DSCAML1: variants seen among roughly 807,000 people sequenced by gnomAD.
DSCAML1 encodes the protein cell adhesion molecule DSCAML1.
DSCAML1 carries 38 observed loss-of-function variants against 200.5 expected under a neutral mutation model. That is an observed-to-expected ratio of 0.19 (90% CI 0.15 to 0.25). DSCAML1 has a LOEUF of 0.25. Among genes scored for constraint, DSCAML1 ranks in the 10% least tolerant of loss-of-function variants. The pLI, the probability that DSCAML1 is intolerant of heterozygous loss-of-function variation, is 1.00. For synonymous variants in DSCAML1, 1,215 were observed against 1,165.0 expected (o/e 1.04, Z -0.87); for missense variants, 2,223 against 2,858.8 (o/e 0.78, Z 5.07).
chr11:117,729,470 G>T (rs1179320761), intron 3 of DSCAML1, among the ~76,000 whole-genome samples: 1 of 152,030 alleles, frequency 6.6e-6, no homozygotes, highest in Non-Finnish European at 1.5e-5. Flanking sequence ...AAGTGCAAAA[G>T]ACACCATCAA....
chr11:117,471,996 G>A lies in DSCAML1; in HGVS notation c.2826C>T (p.Pro942=). The A allele has an allele frequency of 1.2e-6, 2 of 1,614,112 alleles. No homozygotes were observed. The highest frequency in any genetic ancestry group is 2.2e-5 in the East Asian group (1 of 44,888). The change falls in exon 15 of 33, where the codon CCC becomes CCT. Residue 942 remains proline (P), a synonymous_variant. Transcript: ENST00000651296. ...CCACAATGTTGGCCTGGTTGATGGT[G>A]GGGGAGATGTTGCGTGTGGACTGCT... ...DFKQSTRNIS[P]TINQANIVDL...
chr11:117,457,197 C>T (rs755080440), intron 19 of DSCAML1, among the ~76,000 whole-genome samples: 3 of 152,194 alleles, frequency 2.0e-5, no homozygotes, highest in Non-Finnish European at 2.9e-5. Context: ...GCTGCGGCGC[C>T]GCCTCCCGAA....
chr11:117,513,208 G>A (rs1328873306), intron 8 of DSCAML1, among the ~76,000 whole-genome samples: 1 of 152,146 alleles, frequency 6.6e-6, no homozygotes, highest in East Asian at 1.9e-4. Flanking sequence ...TGTGTACACA[G>A]CCACCAAGCT....
chr11:117,663,888 G>A (rs758201851), intron 3 of DSCAML1, among the ~76,000 whole-genome samples: 15 of 152,320 alleles, frequency 9.8e-5, no homozygotes, highest in Non-Finnish European at 1.5e-4. Flanking sequence ...ATTATTTATA[G>A]CGTGACTGAA....
intron 21 of DSCAML1, 90 bp from the exon 22 acceptor site, chr11:117,440,026 C>T (rs1479789534): frequency 6.3e-6 from 7 of 1,119,174 alleles, no homozygotes; most frequent in Non-Finnish European, 6.7e-6. Flanking sequence ...ATTTACAGTT[C>T]AAATCCTCCC....
chr11:117,466,300 G>A (rs574734047), intron 16 of DSCAML1, among the ~76,000 whole-genome samples: 3 of 152,308 alleles, frequency 2.0e-5, no homozygotes, highest in South Asian at 2.1e-4. Flanking sequence ...GTCACAGCGC[G>A]GATGAACCTT....
intron 30 of DSCAML1, among the ~76,000 whole-genome samples, 196 bp from the exon 31 acceptor site, chr11:117,431,924 G>A (rs551288340): frequency 1.3e-5 from 2 of 152,030 alleles, no homozygotes; most frequent in African/African-American, 4.8e-5. Context: ...AGGTTGGGGA[G>A]GGGGCAGTGG....
intron 3 of DSCAML1, among the ~76,000 whole-genome samples, chr11:117,577,943 T>C (rs1242592221): frequency 1.3e-5 from 2 of 151,640 alleles, no homozygotes; most frequent in Non-Finnish European, 2.9e-5. Context: ...ATTAAAAATC[T>C]GAACTTCTCA....
Position 117,503,909 on chromosome 11 carries a change from G to A in DSCAML1, c.2295C>T (p.Tyr765=). The part of the protein sequence containing the change: ...RHVLEEDIGY[Y]LCQASNGVGT... ...CTACGCCGTTGCTGGCCTGGCAGAGGTAGTAGCCGATGTCCTCTTCTAGGA... is the reference window on the plus strand; with the variant it reads ...CTACGCCGTTGCTGGCCTGGCAGAGATAGTAGCCGATGTCCTCTTCTAGGA... The change falls in exon 11 of 33, where the codon TAC becomes TAT. Residue 765 remains tyrosine, a synonymous_variant. Coordinates refer to ENST00000651296, the MANE Select transcript of DSCAML1 (RefSeq NM_020693.4). The surrounding 1 kb of genome is among the most constrained non-coding windows in gnomAD (Gnocchi z 5.2). 6.2e-7 allele frequency: 1 copy of A among 1,614,206 alleles called. No homozygotes were observed.
chr11:117,617,680 G>GCACGCACACACA (rs1555190792), intron 3 of DSCAML1, among the ~76,000 whole-genome samples: 1 of 142,910 alleles, frequency 7.0e-6, no homozygotes, highest in African/African-American at 2.6e-5. Flanking sequence ...ACAGGTACAC[G>GCACGCACACACA]CACACACACA....
At chr11:117,492,757 C>T (rs1394353181) in intron 11 of DSCAML1, among the ~76,000 whole-genome samples, 2 of 152,180 alleles carry the variant, frequency 1.3e-5, no homozygotes, top group Non-Finnish European at 2.9e-5. Flanking sequence ...ACTCAGCCTT[C>T]GACGGCAGCG....
At chr11:117,703,552 T>G (rs546825215) in intron 3 of DSCAML1, among the ~76,000 whole-genome samples, 1 of 152,206 alleles carries the variant, frequency 6.6e-6, no homozygotes, top group Non-Finnish European at 1.5e-5. Context: ...AAATGAATTT[T>G]AGGCCCATTA....
intron 11 of DSCAML1, among the ~76,000 whole-genome samples, chr11:117,492,805 A>G (rs1275825086): frequency 1.3e-5 from 2 of 152,152 alleles, no homozygotes; most frequent in Non-Finnish European, 2.9e-5. Context: ...CTGGGGGCGG[A>G]GTGGGGAGGG....
chr11:117,534,539 C>T (rs1159025677), intron 3 of DSCAML1, among the ~76,000 whole-genome samples: 1 of 152,188 alleles, frequency 6.6e-6, no homozygotes, highest in African/African-American at 2.4e-5. Context: ...TGACATACTC[C>T]CTCATACACT....
At chr11:117,538,146 T>G (rs1440283969) in intron 3 of DSCAML1, among the ~76,000 whole-genome samples, 3 of 152,184 alleles carry the variant, frequency 2.0e-5, no homozygotes, top group African/African-American at 7.2e-5. Context: ...GGAATGGATT[T>G]TTTAAAGAGC....
intron 3 of DSCAML1, among the ~76,000 whole-genome samples, chr11:117,753,938 C>A (rs982046428): frequency 2.0e-5 from 3 of 152,134 alleles, no homozygotes; most frequent in Non-Finnish European, 4.4e-5. Flanking sequence ...TTCCTGGGGA[C>A]AAGGTGAAGC....
intron 3 of DSCAML1, among the ~76,000 whole-genome samples, chr11:117,671,993 C>T (rs1034378617): frequency 2.0e-5 from 3 of 149,878 alleles, no homozygotes; most frequent in Middle Eastern, 3.4e-3. Flanking sequence ...CCCAGCTACT[C>T]GGGAGGGTGA....
intron 1 of DSCAML1, among the ~76,000 whole-genome samples, chr11:117,793,236 A>T (rs773995304): frequency 3.9e-5 from 6 of 152,108 alleles, no homozygotes; most frequent in Non-Finnish European, 7.4e-5. Context: ...CTATTCATGC[A>T]CCTGGGTACC....
In DSCAML1 at chr11:117,467,193, A is replaced by ACACCCCC. The variant is rs1555172719; in HGVS notation, c.3025-2012_3025-2011insGGGGGTG. 5.3e-4 allele frequency among the ~76,000 whole-genome samples: 58 copies of ACACCCCC among 109,506 alleles called. 4 individuals are homozygous for ACACCCCC. Among genetic ancestry groups the ACACCCCC allele is most frequent in the Admixed American group, 1.4e-3 (14 of 9,842 alleles). The allele number at this position is 109,506 out of a possible 152,430, so 71.8% of individuals were successfully genotyped here. On this transcript the variant is annotated intron_variant, in intron 16 of 32. Coordinates refer to ENST00000651296, the MANE Select transcript of DSCAML1 (RefSeq NM_020693.4). ...CGCGCACGCATGCGCGTGCACACAC[A>ACACCCCC]CCTCCCCCCTCCCCCCGCCGCCAAT...
Sources: gnomAD v4.1 joint callset for allele counts (sites outside exome capture counted in the v4.1 genomes callset) on GRCh38, gnomAD v4.1.1 for gene constraint, Gnocchi (gnomAD v3.1) non-coding constraint, MANE v1.5 for transcripts, NCBI Gene and HGNC (gene_info 2026-07-23, HGNC 2026-07-21) for gene names.